The following RYR2 variants were observed in gnomAD, a reference collection of about 807,000 sequenced individuals.
RYR2 encodes ryanodine receptor 2.
Under a neutral mutation model 601.1 loss-of-function variants are expected in RYR2, and 227 were observed. That is an observed-to-expected ratio of 0.38 (90% confidence interval 0.34 to 0.42). RYR2 has a LOEUF of 0.42. Ranked by LOEUF, RYR2 falls within the 10% of genes least tolerant of loss-of-function variation. RYR2 has a pLI of 1.00. For missense variants in RYR2, 4,646 were observed against 6,156.5 expected, an observed-to-expected ratio of 0.75 and a Z score of 8.21; for synonymous variants, 2,223 against 2,175.1, an observed-to-expected ratio of 1.02 and a Z score of -0.61.
At chr1:237,474,103 G>A (rs1486749479) in intron 17 of RYR2, among the ~76,000 whole-genome samples, 1 of 151,866 alleles carries the variant, frequency 6.6e-6, no homozygotes, top group Non-Finnish European at 1.5e-5. Flanking sequence ...GCAGGAAGCT[G>A]AGCTGCCGTC....
chr1:237,236,990 G>A (rs1483167284), intron 1 of RYR2, among the ~76,000 whole-genome samples: 1 of 152,098 alleles, frequency 6.6e-6, no homozygotes, highest in Non-Finnish European at 1.5e-5. Context: ...ACTGGTAGGT[G>A]GATTCTCCCA....
At chr1:237,394,060 C>A (rs74743115) in intron 10 of RYR2, among the ~76,000 whole-genome samples, 6,649 of 152,188 alleles carry the variant, frequency 0.044, 227 homozygotes, top group Non-Finnish European at 0.07. Context: ...AAAAATCTCT[C>A]GATGATTTTC....
chr1:237,109,084 G>T (rs10925315), intron 1 of RYR2, among the ~76,000 whole-genome samples: 70,031 of 151,844 alleles, frequency 0.46, 16,430 homozygotes, highest in African/African-American at 0.53. Context: ...TAACCTAGCC[G>T]AACATAACCG....
chr1:237,351,755 A>G (rs1352347825), intron 3 of RYR2, among the ~76,000 whole-genome samples: 1 of 151,448 alleles, frequency 6.6e-6, no homozygotes, highest in Non-Finnish European at 1.5e-5. Flanking sequence ...CAAACATATA[A>G]GGAAACAATA....
At chr1:237,368,945 T>C (rs893348491) in intron 5 of RYR2, among the ~76,000 whole-genome samples, 24 of 152,158 alleles carry the variant, frequency 1.6e-4, no homozygotes, top group Middle Eastern at 3.4e-3. Context: ...TGCCTCAGCC[T>C]CCCGAGTAGC....
chr1:237,311,864 T>G (rs772601645), intron 2 of RYR2, among the ~76,000 whole-genome samples: 2 of 152,192 alleles, frequency 1.3e-5, no homozygotes, highest in African/African-American at 2.4e-5. Context: ...ACACTTACTC[T>G]TATCATAGAA....
chr1:237,625,287 G>C (rs1222557963), intron 39 of RYR2, among the ~76,000 whole-genome samples: 1 of 152,086 alleles, frequency 6.6e-6, no homozygotes, highest in African/African-American at 2.4e-5. Flanking sequence ...AAGTCTGTGG[G>C]GCATGGTGTA....
At chr1:237,757,666 A>G (rs1464001908) in intron 81 of RYR2, 31 bp from the exon 82 acceptor site, 4 of 1,427,114 alleles carry the variant, frequency 2.8e-6, no homozygotes, top group African/African-American at 2.8e-5. Flanking sequence ...GCGAAATGAT[A>G]TAAGGAACAC....
Position 237,387,311 on chromosome 1 carries a change from G to T in RYR2, c.607G>T (p.Val203Leu). The change falls in exon 9 of 105, where the codon GTG (valine) becomes TTG (leucine). Residue 203 changes from valine to leucine, a missense_variant. This residue lies in a region of RYR2 where 87 missense variants were observed against 144.7 expected (regional missense o/e 0.60). Coordinates refer to ENST00000366574, the MANE Select transcript of RYR2 (RefSeq NM_001035.3). Reference sequence around the variant, plus strand: ...GTCTTATGGCAACGGCAGCTTACACGTGGATGCCGCTTTCCAGCAGACTCT... The same window carrying T: ...GTCTTATGGCAACGGCAGCTTACACTTGGATGCCGCTTTCCAGCAGACTCT... ...HLSYGNGSLH[V>L]DAAFQQTLWS... 1 of 1,613,972 alleles carries T rather than the reference G, an allele frequency of 6.2e-7. No individual in the cohort carries two copies. The highest frequency in any genetic ancestry group is 8.5e-7 in the Non-Finnish European group (1 of 1,179,886).
chr1:237,154,291 C>T (rs1355774677), intron 1 of RYR2, among the ~76,000 whole-genome samples: 2 of 152,168 alleles, frequency 1.3e-5, no homozygotes, highest in Non-Finnish European at 2.9e-5. Context: ...AAATAAGAGG[C>T]TTTATCCAAT....
At chr1:237,316,634 T>A (rs1313109687) in intron 2 of RYR2, among the ~76,000 whole-genome samples, 1 of 152,244 alleles carries the variant, frequency 6.6e-6, no homozygotes, top group Non-Finnish European at 1.5e-5. Context: ...TTTAAAACTA[T>A]GGATCAATCT....
intron 24 of RYR2, among the ~76,000 whole-genome samples, chr1:237,526,298 G>A (rs927021823): frequency 2.6e-5 from 4 of 151,380 alleles, no homozygotes; most frequent in Admixed American, 2.6e-4. Context: ...TTGGCTGCTT[G>A]TATTTCCTCT....
chr1:237,214,650 G>T (rs1254977398), intron 1 of RYR2, among the ~76,000 whole-genome samples: 1 of 152,122 alleles, frequency 6.6e-6, no homozygotes, highest in Non-Finnish European at 1.5e-5. Flanking sequence ...AGCTTTGGAG[G>T]TAACAAATAT....
intron 66 of RYR2, among the ~76,000 whole-genome samples, chr1:237,703,134 C>T (rs906586806): frequency 1.3e-5 from 2 of 151,766 alleles, no homozygotes; most frequent in African/African-American, 4.8e-5. Context: ...TAGCTGTATT[C>T]TTAGAATTTG....
At chr1:237,326,847 C>T (rs537931982) in intron 2 of RYR2, among the ~76,000 whole-genome samples, 105 of 152,208 alleles carry the variant, frequency 6.9e-4, no homozygotes, top group Middle Eastern at 6.8e-3. Flanking sequence ...CATTTTGGTT[C>T]GGGGCCATTT....
intron 1 of RYR2, among the ~76,000 whole-genome samples, chr1:237,090,778 A>G (rs999406966): frequency 3.9e-5 from 6 of 152,222 alleles, no homozygotes; most frequent in African/African-American, 1.4e-4. Flanking sequence ...AATGCAAAAC[A>G]ACTTCAGTTG....
chr1:237,384,621 A>G (rs898606957), intron 8 of RYR2, among the ~76,000 whole-genome samples: 1 of 152,248 alleles, frequency 6.6e-6, no homozygotes, highest in Non-Finnish European at 1.5e-5. Flanking sequence ...TATGTTTTAA[A>G]TATTTGCACA....
At position 237,793,872 on chromosome 1, in the gene RYR2, A is replaced by T. The variant is rs368675632; in HGVS notation, c.13788A>T (p.Pro4596=). The part of the protein sequence containing the change: ...CIIGYYCLKV[P]LVIFKREKEV... ...TATTTATTTTTCCTATGTAGGTCCC[A>T]TTGGTTATTTTTAAGCGAGAAAAGG... Residue 4596 remains proline (P), a synonymous_variant, in exon 95 of 105, where the codon CCA becomes CCT. Transcript: ENST00000366574. 1.2e-6 allele frequency: 2 copies of T among 1,606,244 alleles called. No homozygotes were observed. Among genetic ancestry groups the T allele is most frequent in the Non-Finnish European group, 1.7e-6 (2 of 1,173,524 alleles).
At chr1:237,546,447 G>A (rs1476254310) in intron 25 of RYR2, among the ~76,000 whole-genome samples, 1 of 151,904 alleles carries the variant, frequency 6.6e-6, no homozygotes, top group Non-Finnish European at 1.5e-5. Flanking sequence ...GCACAATCTC[G>A]GCTCACTGCA....
Sources: gnomAD v4.1 joint callset for allele counts (sites outside exome capture counted in the v4.1 genomes callset) on GRCh38, gnomAD v4.1.1 for gene constraint, gnomAD v4.1.1 regional missense constraint, MANE v1.5 for transcripts, NCBI Gene and HGNC (gene_info 2026-07-23, HGNC 2026-07-21) for gene names.